Variants in PDLIM5 observed in about 807,000 individuals in gnomAD.
The protein encoded by PDLIM5 is PDZ and LIM domain protein 5.
Under a neutral mutation model 64.2 loss-of-function variants are expected in PDLIM5, and 34 were observed. The observed-to-expected ratio is 0.53, with a 90% CI of 0.40 to 0.71. The LOEUF (loss-of-function observed/expected upper bound fraction) is 0.71, where lower values mean the gene tolerates loss of function less well. Ranked by LOEUF, PDLIM5 falls within the 30% of genes least tolerant of loss-of-function variation. The pLI is 0.00. For missense variants in PDLIM5, 683 were observed against 733.6 expected, an observed-to-expected ratio of 0.93 and a Z score of 0.80; for synonymous variants, 253 against 269.1, an observed-to-expected ratio of 0.94 and a Z score of 0.59.
At chr4:94,600,402 A>G (rs1384073413) in intron 7 of PDLIM5, among the ~76,000 whole-genome samples, 1 of 152,158 alleles carries the variant, frequency 6.6e-6, no homozygotes, top group East Asian at 1.9e-4. Context: ...TTCTCAAGAC[A>G]TGTGGCCTCT....
At chr4:94,590,585 A>T (rs1736597373) in intron 7 of PDLIM5, among the ~76,000 whole-genome samples, 2 of 152,192 alleles carry the variant, frequency 1.3e-5, no homozygotes, top group Non-Finnish European at 2.9e-5. Context: ...TTAGTCAGGG[A>T]AGGATTACTT....
At chr4:94,617,945 T>C (rs1165636702) in intron 7 of PDLIM5, 59 bp from the exon 8 acceptor site, 5 of 862,348 alleles carry the variant, frequency 5.8e-6, no homozygotes, top group South Asian at 5.3e-5. Context: ...AAAGAAAGGA[T>C]TATTGCTGAG....
rs376568893 is a variant in PDLIM5, at chr4:94,648,922, CTT to C, written c.1284-5535_1284-5534del. ...GTCAGGCCCATCCAGGATGATCTGT[CTT>C]TTGATTAACAGTATCCACTGATTAG... On this transcript the variant is annotated intron_variant, in intron 9 of 12. Coordinates refer to ENST00000317968, the MANE Select transcript of PDLIM5 (RefSeq NM_006457.5). 4.6e-5 allele frequency among the ~76,000 whole-genome samples: 7 copies of C among 152,006 alleles called. 1 individual carries two copies. Among genetic ancestry groups the C allele is most frequent in the African/African-American group, 1.7e-4 (7 of 41,480 alleles).
At chr4:94,458,195 T>C (rs755048581) in intron 2 of PDLIM5, among the ~76,000 whole-genome samples, 4 of 152,240 alleles carry the variant, frequency 2.6e-5, no homozygotes, top group Non-Finnish European at 4.4e-5. Context: ...ATTAGTTCTT[T>C]GGTTATACTT....
intron 10 of PDLIM5, among the ~76,000 whole-genome samples, chr4:94,656,245 T>C (rs1671309292): frequency 6.6e-6 from 1 of 152,184 alleles, no homozygotes; most frequent in Non-Finnish European, 1.5e-5. Flanking sequence ...TTTATGTATA[T>C]GATTTTTTGT....
chr4:94,459,038 T>C (rs575577867), intron 2 of PDLIM5, among the ~76,000 whole-genome samples: 8 of 152,308 alleles, frequency 5.3e-5, no homozygotes, highest in African/African-American at 1.9e-4. Flanking sequence ...CCTGAAGCCA[T>C]GGAATGTGAG....
At chr4:94,594,435 TTTAAATA>T (rs752225843) in intron 7 of PDLIM5, among the ~76,000 whole-genome samples, 116 of 152,214 alleles carry the variant, frequency 7.6e-4, no homozygotes, top group Non-Finnish European at 1.2e-3. Context: ...TAAGGAAATG[TTTAAATA>T]TAAGAATCTA....
intron 5 of PDLIM5, chr4:94,582,820 G>T: frequency 1.2e-6 from 1 of 820,274 alleles, no homozygotes. Flanking sequence ...AATTTTGTTA[G>T]GATTTTCTCA....
At chr4:94,470,455 G>C (rs1212952948) in intron 2 of PDLIM5, among the ~76,000 whole-genome samples, 1 of 152,160 alleles carries the variant, frequency 6.6e-6, no homozygotes, top group African/African-American at 2.4e-5. Flanking sequence ...GTGTTAGGAT[G>C]TTTATTCTAG....
chr4:94,509,217 T>A (rs1217751081), intron 2 of PDLIM5, among the ~76,000 whole-genome samples: 1 of 152,162 alleles, frequency 6.6e-6, no homozygotes, highest in Non-Finnish European at 1.5e-5. Flanking sequence ...GCTTGCTCTC[T>A]CCTTTACTTT....
chr4:94,557,118 C>A (rs554391955), intron 3 of PDLIM5, among the ~76,000 whole-genome samples: 113 of 152,116 alleles, frequency 7.4e-4, no homozygotes, highest in African/African-American at 2.6e-3. Flanking sequence ...TCAGCTTTCT[C>A]CATATGGCTA....
intron 2 of PDLIM5, among the ~76,000 whole-genome samples, chr4:94,481,733 C>T (rs1426391325): frequency 6.6e-6 from 1 of 151,630 alleles, no homozygotes; most frequent in Admixed American, 6.6e-5. Context: ...CTCAGTCTCC[C>T]GAGTAGCTGG....
At chr4:94,512,860 G>A (rs1729011937) in intron 2 of PDLIM5, among the ~76,000 whole-genome samples, 1 of 152,068 alleles carries the variant, frequency 6.6e-6, no homozygotes, top group South Asian at 2.1e-4. Flanking sequence ...TAGTTTCATA[G>A]TTTGAGGTGT....
intron 2 of PDLIM5, among the ~76,000 whole-genome samples, chr4:94,469,960 ATTTTTTT>A (rs34572366): frequency 4.2e-5 from 3 of 71,556 alleles, no homozygotes; most frequent in African/African-American, 1.8e-4. Context: ...CATTCTTTTA[ATTTTTTT>A]TTTTTTTTTT....
At chr4:94,546,983 T>A (rs1370664790) in intron 3 of PDLIM5, among the ~76,000 whole-genome samples, 2 of 152,046 alleles carry the variant, frequency 1.3e-5, no homozygotes, top group African/African-American at 4.8e-5. Context: ...AAAAAAAATA[T>A]ATATCTAAAG....
intron 2 of PDLIM5, among the ~76,000 whole-genome samples, chr4:94,523,438 C>T (rs1447533227): frequency 6.6e-6 from 1 of 152,164 alleles, no homozygotes. Flanking sequence ...ATAAAAATCA[C>T]ACAACTACTG....
At chr4:94,542,769 A>G (rs1731935689) in intron 3 of PDLIM5, among the ~76,000 whole-genome samples, 1 of 152,186 alleles carries the variant, frequency 6.6e-6, no homozygotes, top group South Asian at 2.1e-4. Context: ...AATAGGAGCG[A>G]ATGCTACTTT....
At chr4:94,581,920 GGGC>G in intron 5 of PDLIM5, among the ~76,000 whole-genome samples, 1 of 152,236 alleles carries the variant, frequency 6.6e-6, no homozygotes, top group East Asian at 1.9e-4. Flanking sequence ...CACGCCTTCT[GGGC>G]AATAATTATA....
intron 3 of PDLIM5, among the ~76,000 whole-genome samples, chr4:94,536,381 T>A (rs186973345): frequency 1.2e-3 from 177 of 152,350 alleles, no homozygotes; most frequent in African/African-American, 4.2e-3. Flanking sequence ...ATTGTCATTT[T>A]AAAAATAAAA....
Sources: allele counts gnomAD v4.1 joint callset (sites outside exome capture counted in the v4.1 genomes callset), GRCh38; gene constraint gnomAD v4.1.1; transcripts MANE v1.5; gene names NCBI Gene and HGNC (gene_info 2026-07-23, HGNC 2026-07-21).